TUSC3: variants seen among roughly 807,000 people sequenced by gnomAD.
TUSC3 encodes dolichyl-diphosphooligosaccharide--protein glycosyltransferase subunit TUSC3.
A neutral mutation model predicts 44.8 loss-of-function variants in TUSC3; 45 were observed. That is an observed-to-expected ratio of 1.00 (90% CI 0.79 to 1.29). The LOEUF is 1.29. TUSC3 is among the 50% of genes most tolerant of loss of function. The probability of loss-of-function intolerance (pLI) is 0.00; values close to 1 mark genes in which losing one functional copy is unlikely to be tolerated. For synonymous variants in TUSC3, 212 were observed against 152.9 expected (o/e 1.39, Z -2.85); for missense variants, 519 against 437.9 (o/e 1.19, Z -1.65).
chr8:15,536,106 C>G (rs1801518442), upstream of TUSC3, among the ~76,000 whole-genome samples: 1 of 152,092 alleles, frequency 6.6e-6, no homozygotes, highest in Non-Finnish European at 1.5e-5. Context: ...GATTGGACAC[C>G]ACTGATCTAG....
At chr8:15,528,771 C>G (rs1801410779) in intron 2 of TUSC3, among the ~76,000 whole-genome samples, 1 of 152,136 alleles carries the variant, frequency 6.6e-6, no homozygotes, top group Non-Finnish European at 1.5e-5. Context: ...TAGCTTCAAA[C>G]ATTTGTCCAT....
the TUSC3 span, among the ~76,000 whole-genome samples, chr8:15,822,591 T>C: frequency 6.6e-6 from 1 of 152,032 alleles, no homozygotes; most frequent in African/African-American, 2.4e-5. Context: ...CCCTAAGGTG[T>C]GAATGAAGAT....
intron 7 of TUSC3, among the ~76,000 whole-genome samples, chr8:15,739,889 T>G (rs1811114305): frequency 6.7e-6 from 1 of 149,776 alleles, no homozygotes; most frequent in African/African-American, 2.5e-5. Flanking sequence ...TTGAGCAAGT[T>G]GTTTAAACTT....
intron 1 of TUSC3, among the ~76,000 whole-genome samples, chr8:15,458,333 G>T (rs986759419): frequency 6.6e-6 from 1 of 152,062 alleles, no homozygotes; most frequent in Non-Finnish European, 1.5e-5. Context: ...CGACCTCTCA[G>T]GCTCAAACAA....
At chr8:15,809,199 G>A in the TUSC3 span, among the ~76,000 whole-genome samples, 1 of 152,158 alleles carries the variant, frequency 6.6e-6, no homozygotes, top group Admixed American at 6.6e-5. Flanking sequence ...ACTGATGACT[G>A]CAGATATCTG....
At chr8:15,590,016 C>G (rs945488827) in intron 1 of TUSC3, among the ~76,000 whole-genome samples, 1 of 152,170 alleles carries the variant, frequency 6.6e-6, no homozygotes, top group African/African-American at 2.4e-5. Flanking sequence ...TAATGCTTCT[C>G]TGAAAATTCC....
intron 6 of TUSC3, among the ~76,000 whole-genome samples, chr8:15,706,760 A>G (rs1400590245): frequency 6.6e-6 from 1 of 152,044 alleles, no homozygotes; most frequent in Non-Finnish European, 1.5e-5. Context: ...TGCAAATATG[A>G]TCACGAGCAT....
intron 1 of TUSC3, among the ~76,000 whole-genome samples, chr8:15,550,412 A>G (rs976103095): frequency 4.6e-5 from 7 of 151,664 alleles, no homozygotes. Context: ...TGATTTTACA[A>G]AATATTGCAT....
chr8:15,662,033 G>A (rs958051743), intron 4 of TUSC3, 123 bp from the exon 5 acceptor site: 20 of 1,024,228 alleles, frequency 2.0e-5, no homozygotes, highest in African/African-American at 6.4e-5. Context: ...CTAGTGTCAC[G>A]TATGAAAAGT....
the TUSC3 span, among the ~76,000 whole-genome samples, chr8:15,801,222 G>A: frequency 6.6e-6 from 1 of 152,180 alleles, no homozygotes; most frequent in African/African-American, 2.4e-5. Flanking sequence ...CTCCTTTTTA[G>A]ACCATATACG....
intron 6 of TUSC3, among the ~76,000 whole-genome samples, chr8:15,692,357 AC>A (rs57593991): frequency 0.029 from 2,508 of 87,984 alleles, 55 homozygotes; most frequent in South Asian, 0.038. Flanking sequence ...TTGGGAGGAG[AC>A]CCCCCCCCCC....
At chr8:15,537,003 T>C (rs1009945034), upstream of TUSC3, among the ~76,000 whole-genome samples, 1 of 152,188 alleles carries the variant, frequency 6.6e-6, no homozygotes, top group Non-Finnish European at 1.5e-5. Flanking sequence ...GCAAAGTCTC[T>C]TGTGGGAAAA....
At chr8:15,476,344 C>A (rs62501891) in intron 1 of TUSC3, among the ~76,000 whole-genome samples, 3 of 151,954 alleles carry the variant, frequency 2.0e-5, no homozygotes, top group South Asian at 2.1e-4. Context: ...ATACTTTATC[C>A]TTTTTGTATA....
intron 6 of TUSC3, among the ~76,000 whole-genome samples, chr8:15,685,730 C>G (rs536876866): frequency 6.6e-6 from 1 of 152,050 alleles, no homozygotes; most frequent in Non-Finnish European, 1.5e-5. Flanking sequence ...ATATAACAGA[C>G]CTATATGAGC....
intron 2 of TUSC3, among the ~76,000 whole-genome samples, chr8:15,638,224 C>G (rs962897950): frequency 1.3e-5 from 2 of 151,410 alleles, no homozygotes; most frequent in Non-Finnish European, 2.9e-5. Context: ...CCTGTACAGT[C>G]TCCACCTTCC....
rs1269739783 is a variant in TUSC3 at position 15,765,415 on chromosome 8, A to G, written c.*1259A>G. On this transcript the variant is annotated 3_prime_UTR_variant, in exon 11 of 11. Coordinates refer to ENST00000503731, the MANE Select transcript of TUSC3 (RefSeq NM_006765.4). ...TTCATTAAGATTTGAGTAACAGACC[A>G]TGGAGAATTGTTTTCATTGGGAGTT... 2 of 152,026 alleles carry G rather than the reference A, an allele frequency of 1.3e-5. No homozygotes were observed. Among genetic ancestry groups the G allele is most frequent in the Non-Finnish European group, 2.9e-5 (2 of 67,926 alleles). The allele number at this position is 152,026 out of a possible 1,614,324, so 9.4% of individuals were successfully genotyped here. A position where few individuals can be genotyped will look rare whatever the true frequency, so the allele number is the denominator to read the frequency against.
At chr8:15,797,777 G>C in the TUSC3 span, among the ~76,000 whole-genome samples, 2 of 152,134 alleles carry the variant, frequency 1.3e-5, no homozygotes, top group Admixed American at 1.3e-4. Flanking sequence ...CAGTGTCTAA[G>C]ACAACACAGC....
At chr8:15,504,046 G>C (rs1181032149) in intron 2 of TUSC3, among the ~76,000 whole-genome samples, 1 of 148,838 alleles carries the variant, frequency 6.7e-6, no homozygotes, top group African/African-American at 2.5e-5. Flanking sequence ...CTGTAGAAAA[G>C]AACACACCGT....
At chr8:15,562,831 C>G (rs1157985731) in intron 1 of TUSC3, among the ~76,000 whole-genome samples, 1 of 152,104 alleles carries the variant, frequency 6.6e-6, no homozygotes, top group African/African-American at 2.4e-5. Context: ...TGTGACACTT[C>G]TTTTAAAATG....
Sources: allele counts gnomAD v4.1 joint callset (sites outside exome capture counted in the v4.1 genomes callset), GRCh38; gene constraint gnomAD v4.1.1; transcripts MANE v1.5; gene names NCBI Gene and HGNC (gene_info 2026-07-23, HGNC 2026-07-21).